Variants in ELP4 observed in about 807,000 individuals in gnomAD.
ELP4 encodes the protein elongator acetyltransferase complex subunit 4.
ELP4 carries 51 observed loss-of-function variants against 48.9 expected under a neutral mutation model. The ratio of observed to expected loss-of-function variants is 1.04; its 90% confidence interval spans 0.83 to 1.32. The LOEUF is 1.32. Among genes scored for constraint, ELP4 ranks in the 40% most tolerant of loss-of-function variants. ELP4 has a pLI of 0.00. For synonymous variants in ELP4, 210 were observed against 189.2 expected (o/e 1.11, Z -0.90); for missense variants, 519 against 514.6 (o/e 1.01, Z -0.08).
chr11:31,514,456 C>CA (rs1554955125), intron 1 of ELP4, among the ~76,000 whole-genome samples: 1 of 151,672 alleles, frequency 6.6e-6, no homozygotes, highest in Non-Finnish European at 1.5e-5. Context: ...GACCCCATCT[C>CA]AAAAAAAGAA....
intron 3 of ELP4, chr11:31,580,603 A>G (rs1957373660): frequency 6.5e-6 from 1 of 152,742 alleles, no homozygotes. Flanking sequence ...TGTCTCTCGC[A>G]CACGCTGTCT....
At chr11:31,536,302 A>G (rs1229743775) in intron 2 of ELP4, among the ~76,000 whole-genome samples, 1 of 152,094 alleles carries the variant, frequency 6.6e-6, no homozygotes, top group Non-Finnish European at 1.5e-5. Flanking sequence ...GGATCGTATA[A>G]TAAGTGTTTG....
At chr11:31,676,861 T>C (rs1169402057) in intron 9 of ELP4, among the ~76,000 whole-genome samples, 1 of 152,244 alleles carries the variant, frequency 6.6e-6, no homozygotes, top group Admixed American at 6.5e-5. Flanking sequence ...TTTTGGGTTA[T>C]GGCCAAGTTT....
At chr11:31,783,367 T>A in intron 9 of ELP4, 26 bp from the exon 10 acceptor site, 1 of 1,589,678 alleles carries the variant, frequency 6.3e-7, no homozygotes, top group Non-Finnish European at 8.6e-7. Context: ...CTTCTTTTTT[T>A]CTTCTCCTGA....
intron 9 of ELP4, among the ~76,000 whole-genome samples, chr11:31,712,184 C>T (rs1031472657): frequency 1.3e-5 from 2 of 151,850 alleles, no homozygotes; most frequent in African/African-American, 4.8e-5. Context: ...TATGGCAATA[C>T]TAGACACCAA....
intron 3 of ELP4, among the ~76,000 whole-genome samples, chr11:31,553,031 C>G (rs1049004103): frequency 1.3e-5 from 2 of 152,102 alleles, no homozygotes; most frequent in Non-Finnish European, 2.9e-5. Flanking sequence ...ATCTAACTAC[C>G]CTAATAAATG....
At chr11:31,721,989 C>T (rs750652700) in intron 9 of ELP4, among the ~76,000 whole-genome samples, 25 of 152,190 alleles carry the variant, frequency 1.6e-4, no homozygotes, top group Non-Finnish European at 3.4e-4. Context: ...GTACCCACAG[C>T]AGCCTAATAC....
At chr11:31,767,908 A>C (rs1157724421) in intron 9 of ELP4, 1 of 152,170 alleles carries the variant, frequency 6.6e-6, no homozygotes, top group Admixed American at 6.5e-5. Flanking sequence ...CGCTTTGCCC[A>C]GTCTGTTCAC....
intron 3 of ELP4, among the ~76,000 whole-genome samples, chr11:31,574,232 TG>T (rs1957231503): frequency 6.6e-6 from 1 of 152,156 alleles, no homozygotes; most frequent in Non-Finnish European, 1.5e-5. Context: ...GCAGCGAGGC[TG>T]GGGGAGGGAC....
At chr11:31,663,938 A>G (rs1039913172) in intron 9 of ELP4, 5 of 152,096 alleles carry the variant, frequency 3.3e-5, no homozygotes, top group African/African-American at 1.2e-4. Context: ...CAGTGTCCTT[A>G]CCATTTGAAA....
At position 31,544,172 on chromosome 11, in the gene ELP4, A is replaced by G. The variant is rs1023133423; in HGVS notation, c.381+4389A>G. On this transcript the variant is annotated intron_variant, in intron 3 of 9. Coordinates refer to ENST00000640961, the MANE Select transcript of ELP4 (RefSeq NM_019040.5). ...CGCAGGTCAGTGGGTGCAGTGCACCATGCGCAAGCCGAAGCAGGGCGAGGC... is the reference window on the plus strand; with the variant it reads ...CGCAGGTCAGTGGGTGCAGTGCACCGTGCGCAAGCCGAAGCAGGGCGAGGC... 4.6e-5 allele frequency among the ~76,000 whole-genome samples: 7 copies of G among 152,248 alleles called. No individual in the cohort carries two copies. In the East Asian group the frequency reaches 7.7e-4, roughly 17 times the overall value.
At position 31,748,836 on chromosome 11, in the gene ELP4, T is replaced by C. The variant is rs192771209; in HGVS notation, c.1144-34557T>C. Among the ~76,000 whole-genome samples the C allele has an allele frequency of 1.9e-3, 296 of 152,172 alleles. 1 individual carries two copies. Among genetic ancestry groups the C allele is most frequent in the Non-Finnish European group, 1.9e-3 (130 of 68,010 alleles). ...CTGGTGGACATAGCAAGACCCCATCTGTATCAAATAAAGTAAAATTTTGCA... is the reference window on the plus strand; with the variant it reads ...CTGGTGGACATAGCAAGACCCCATCCGTATCAAATAAAGTAAAATTTTGCA... On this transcript the variant is annotated intron_variant, in intron 9 of 9. Transcript: ENST00000640961.
chr11:31,553,725 AACACAC>A (rs56921821), intron 3 of ELP4, among the ~76,000 whole-genome samples: 1,642 of 140,454 alleles, frequency 0.012, 18 homozygotes, highest in East Asian at 0.017. Flanking sequence ...TGCACACACA[AACACAC>A]ACACACACAC....
chr11:31,569,106 G>A (rs1957156588), intron 3 of ELP4, among the ~76,000 whole-genome samples: 2 of 151,476 alleles, frequency 1.3e-5, no homozygotes, highest in African/African-American at 4.8e-5. Flanking sequence ...TAAAAAAAAG[G>A]AAAGAAAAAA....
At chr11:31,735,661 A>G (rs1459163198) in intron 9 of ELP4, among the ~76,000 whole-genome samples, 1 of 152,174 alleles carries the variant, frequency 6.6e-6, no homozygotes, top group Admixed American at 6.5e-5. Flanking sequence ...AAAAATCACA[A>G]GCATTCTTAT....
intron 9 of ELP4, among the ~76,000 whole-genome samples, chr11:31,743,535 A>G (rs1339337251): frequency 2.0e-5 from 3 of 152,260 alleles, no homozygotes; most frequent in East Asian, 1.9e-4. Context: ...AACATAAATT[A>G]TAACAAACTG....
intron 3 of ELP4, among the ~76,000 whole-genome samples, chr11:31,549,369 A>G (rs1163374279): frequency 3.3e-5 from 5 of 152,246 alleles, no homozygotes; most frequent in African/African-American, 1.2e-4. Context: ...TTATGCACCC[A>G]AAAAACCCAT....
At chr11:31,596,088 A>G (rs1257544528) in intron 4 of ELP4, among the ~76,000 whole-genome samples, 1 of 152,018 alleles carries the variant, frequency 6.6e-6, no homozygotes, top group Non-Finnish European at 1.5e-5. Context: ...TTCTCCCTGT[A>G]GCACTTCATA....
At chr11:31,680,520 G>T (rs1366872138) in intron 9 of ELP4, among the ~76,000 whole-genome samples, 1 of 152,054 alleles carries the variant, frequency 6.6e-6, no homozygotes, top group Admixed American at 6.6e-5. Context: ...GTTGTGGAGG[G>T]GTACAAGCAA....
Sources: allele counts gnomAD v4.1 joint callset (sites outside exome capture counted in the v4.1 genomes callset), GRCh38; gene constraint gnomAD v4.1.1; transcripts MANE v1.5; gene names NCBI Gene and HGNC (gene_info 2026-07-23, HGNC 2026-07-21).